Variants in RPS6KA2 observed in about 807,000 individuals in gnomAD.
The protein encoded by RPS6KA2 is ribosomal protein S6 kinase A2, also known as ribosomal protein S6 kinase alpha-2.
A neutral mutation model predicts 91.8 loss-of-function variants in RPS6KA2; 42 were observed. The observed-to-expected ratio is 0.46, with a 90% CI of 0.36 to 0.59. The LOEUF is 0.59. Among genes scored for constraint, RPS6KA2 ranks in the 20% least tolerant of loss-of-function variants. RPS6KA2 has a pLI of 0.00. For missense variants in RPS6KA2, 798 were observed against 978.5 expected (o/e 0.82, Z 2.46); for synonymous variants, 414 against 393.6 (o/e 1.05, Z -0.61).
intron 2 of RPS6KA2, among the ~76,000 whole-genome samples, chr6:166,847,334 CA>C (rs1400235735): frequency 6.6e-6 from 1 of 152,134 alleles, no homozygotes; most frequent in Admixed American, 6.6e-5. Context: ...ACCATACTGC[CA>C]AAAGCAATCT....
chr6:166,643,939 TAC>T (rs1349901824), intron 2 of RPS6KA2, among the ~76,000 whole-genome samples: 1 of 152,252 alleles, frequency 6.6e-6, no homozygotes, highest in Non-Finnish European at 1.5e-5. Context: ...CAAATCACTA[TAC>T]ACAGTGCCTG....
intron 10 of RPS6KA2, among the ~76,000 whole-genome samples, chr6:166,484,240 A>G (rs1781332332): frequency 6.6e-6 from 1 of 152,260 alleles, no homozygotes; most frequent in African/African-American, 2.4e-5. Flanking sequence ...ACTTTAGTTC[A>G]TGCATATTCA....
At chr6:166,653,355 C>G (rs1158810472) in intron 2 of RPS6KA2, among the ~76,000 whole-genome samples, 1 of 152,236 alleles carries the variant, frequency 6.6e-6, no homozygotes, top group Non-Finnish European at 1.5e-5. Flanking sequence ...GCCGCCCTGC[C>G]TGGCCCTAAT....
chr6:166,532,822 A>AGT (rs1295114564), intron 2 of RPS6KA2, among the ~76,000 whole-genome samples: 1 of 148,872 alleles, frequency 6.7e-6, no homozygotes. Context: ...AGATGTGTGG[A>AGT]GTGTGAGAGA....
chr6:166,745,647 G>C (rs866048924), intron 2 of RPS6KA2, among the ~76,000 whole-genome samples: 2 of 152,154 alleles, frequency 1.3e-5, no homozygotes, highest in South Asian at 2.1e-4. Flanking sequence ...CAAAGCCTGG[G>C]TTTCCACCCA....
chr6:166,559,100 T>G, intron 1 of RPS6KA2, among the ~76,000 whole-genome samples: 1 of 152,190 alleles, frequency 6.6e-6, no homozygotes, highest in East Asian at 1.9e-4. Flanking sequence ...TAGATCTGGG[T>G]TAAGAAGGAG....
chr6:166,710,733 G>A (rs984119812), intron 2 of RPS6KA2, among the ~76,000 whole-genome samples: 2 of 152,150 alleles, frequency 1.3e-5, no homozygotes, highest in South Asian at 4.1e-4. Context: ...TCTGACAGGA[G>A]GAGAGAAGAA....
rs1309039138 is a variant in RPS6KA2, at chr6:166,811,843, C to A, written c.123+46357G>T. 2.6e-5 allele frequency among the ~76,000 whole-genome samples: 4 copies of A among 152,294 alleles called. No individual in the cohort carries two copies. In the East Asian group the frequency reaches 7.7e-4, roughly 29 times the overall value. On this transcript the variant is annotated intron_variant, in intron 2 of 21. Coordinates refer to the RPS6KA2 transcript ENST00000503859. ...ATACATAATTACTAGAATAACAGCTCTCAAAAATTAAAATTCACTTAACAA... is the reference window on the plus strand; with the variant it reads ...ATACATAATTACTAGAATAACAGCTATCAAAAATTAAAATTCACTTAACAA...
chr6:166,787,536 C>T (rs2734338), intron 2 of RPS6KA2, among the ~76,000 whole-genome samples: 57,145 of 151,918 alleles, frequency 0.38, 12,702 homozygotes, highest in East Asian at 0.55. Flanking sequence ...AATATACCCC[C>T]TGTTAAAAGT....
chr6:166,440,700 A>C (rs2235294), intron 14 of RPS6KA2, among the ~76,000 whole-genome samples: 66,894 of 152,122 alleles, frequency 0.44, 17,160 homozygotes, highest in Non-Finnish European at 0.58. Context: ...TTATGACTAT[A>C]TTTTGTAAAT....
intron 2 of RPS6KA2, among the ~76,000 whole-genome samples, chr6:166,829,362 C>T (rs1202563362): frequency 4.6e-5 from 7 of 151,960 alleles, no homozygotes; most frequent in African/African-American, 9.7e-5. Context: ...GAGGCTGAGG[C>T]GGGTGGATCA....
At chr6:166,675,844 A>T (rs1337942682) in intron 2 of RPS6KA2, among the ~76,000 whole-genome samples, 1 of 151,980 alleles carries the variant, frequency 6.6e-6, no homozygotes, top group Non-Finnish European at 1.5e-5. Context: ...CTATTGTGTC[A>T]TATCTTCACA....
At chr6:166,432,264 G>A (rs1583126020) in intron 15 of RPS6KA2, 137 bp downstream of exon 15, 1 of 648,444 alleles carries the variant, frequency 1.5e-6, no homozygotes, top group South Asian at 1.8e-5. Context: ...AGCTCCAAGT[G>A]ACTGAGATAT....
chr6:166,748,488 T>G (rs1285820800), intron 2 of RPS6KA2, among the ~76,000 whole-genome samples: 2 of 151,378 alleles, frequency 1.3e-5, no homozygotes, highest in Admixed American at 6.6e-5. Flanking sequence ...TGGAGGATGC[T>G]GGGCAGAGGG....
chr6:166,511,615 G>A lies in RPS6KA2; in HGVS notation c.299-1258C>T, dbSNP rs78148132. 9.2e-3 allele frequency among the ~76,000 whole-genome samples: 1,399 copies of A among 152,298 alleles called. 19 individuals are homozygous for A. Among genetic ancestry groups the A allele is most frequent in the African/African-American group, 0.032 (1,332 of 41,556 alleles). The stretch of plus-strand genomic sequence containing the variant: ...AGGGCAGTATCCGGGACCTCACACA[G>A]CCCCATGAGCGATGGGAGAAAATTT... On this transcript the variant is annotated intron_variant, in intron 3 of 20. Coordinates refer to ENST00000265678, the MANE Select transcript of RPS6KA2 (RefSeq NM_021135.6).
chr6:166,663,650 A>G (rs1022836677), intron 2 of RPS6KA2, among the ~76,000 whole-genome samples: 25 of 152,204 alleles, frequency 1.6e-4, no homozygotes, highest in African/African-American at 5.3e-4. Context: ...AAGAACATGC[A>G]ACAGGGGAAA....
intron 2 of RPS6KA2, among the ~76,000 whole-genome samples, chr6:166,750,052 G>T (rs1447777078): frequency 1.3e-5 from 2 of 152,144 alleles, no homozygotes; most frequent in Non-Finnish European, 2.9e-5. Context: ...GGGCAGGGAG[G>T]AGGGGGCCTT....
chr6:166,682,570 CAG>C (rs761368296), intron 2 of RPS6KA2, among the ~76,000 whole-genome samples: 2 of 152,144 alleles, frequency 1.3e-5, no homozygotes, highest in Non-Finnish European at 2.9e-5. Flanking sequence ...GGGTCTAGAA[CAG>C]AGTGAGAGGG....
At chr6:166,803,372 G>A (rs938908691) in intron 2 of RPS6KA2, among the ~76,000 whole-genome samples, 3 of 152,186 alleles carry the variant, frequency 2.0e-5, no homozygotes, top group African/African-American at 4.8e-5. Context: ...GAGCTGATAC[G>A]CTAATAACTA....
Sources: allele counts gnomAD v4.1 joint callset (sites outside exome capture counted in the v4.1 genomes callset), GRCh38; gene constraint gnomAD v4.1.1; transcripts MANE v1.5; gene names NCBI Gene and HGNC (gene_info 2026-07-23, HGNC 2026-07-21).